Variants in DOCK1 observed in about 807,000 individuals in gnomAD.
DOCK1 encodes the protein dedicator of cytokinesis protein 1.
Under a neutral mutation model 262.7 loss-of-function variants are expected in DOCK1, and 138 were observed. The ratio of observed to expected loss-of-function variants is 0.53; its 90% CI spans 0.46 to 0.61. The LOEUF (loss-of-function observed/expected upper bound fraction) is 0.61. Ranked by LOEUF, DOCK1 falls within the 20% of genes least tolerant of loss-of-function variation. The pLI is 0.00. For missense variants in DOCK1, 1,908 were observed against 2,370.7 expected (o/e 0.80, Z 4.05); for synonymous variants, 866 against 867.4 (o/e 1.00, Z 0.03).
At chr10:126,939,042 T>G (rs1204183236) in intron 1 of DOCK1, among the ~76,000 whole-genome samples, 13 of 37,246 alleles carry the variant, frequency 3.5e-4, no homozygotes, top group Admixed American at 4.4e-4. Context: ...ATGAACACGG[T>G]GGGGGGATGA....
intron 33 of DOCK1, among the ~76,000 whole-genome samples, chr10:127,370,398 C>T (rs1025292405): frequency 1.3e-5 from 2 of 152,168 alleles, no homozygotes; most frequent in African/African-American, 4.8e-5. Flanking sequence ...CACCCTGGCC[C>T]AGCCTCCTGC....
intron 27 of DOCK1, among the ~76,000 whole-genome samples, chr10:127,185,078 A>C (rs1395005830): frequency 6.6e-6 from 1 of 152,168 alleles, no homozygotes; most frequent in Non-Finnish European, 1.5e-5. Flanking sequence ...GGTAGGCTCT[A>C]CCTGGGAGAT....
chr10:127,340,937 A>AAATATTTCATTTTTCTGTAGTG (rs1345649194), intron 30 of DOCK1, among the ~76,000 whole-genome samples: 1 of 152,150 alleles, frequency 6.6e-6, no homozygotes, highest in East Asian at 1.9e-4. Flanking sequence ...TATCATATAG[A>AAATATTTCATTTTTCTGTAGTG]AATATTTCAT....
At chr10:127,110,787 T>C (rs1162595335) in intron 25 of DOCK1, among the ~76,000 whole-genome samples, 1 of 152,202 alleles carries the variant, frequency 6.6e-6, no homozygotes, top group African/African-American at 2.4e-5. Context: ...CTACTCAAAG[T>C]AATAAGAATT....
At position 126,925,724 on chromosome 10, in the gene DOCK1, CTGTGTGTGTGTGTG is replaced by C. The variant is rs71032531; in HGVS notation, c.46+20194_46+20207del. Among the ~76,000 whole-genome samples the C allele has an allele frequency of 7.9e-3, 1,123 of 141,304 alleles. 13 individuals carry two copies. The highest frequency in any genetic ancestry group is 0.025 in the African/African-American group (979 of 38,542). 92.7% of individuals were successfully genotyped at this position (141,304 alleles called of 152,430 possible). ...AACACATACACACACATTGCAGAGTCTGTGTGTGTGTGTGTGTGTGTGTGTGTGTGTGTGTGTGT... is the reference window on the plus strand; with the variant it reads ...AACACATACACACACATTGCAGAGTCTGTGTGTGTGTGTGTGTGTGTGTGT... On this transcript the variant is annotated intron_variant, in intron 1 of 51. Transcript: ENST00000623213.
intron 2 of DOCK1, among the ~76,000 whole-genome samples, chr10:126,972,604 C>G (rs9794806): frequency 0.01 from 1,523 of 152,066 alleles, 16 homozygotes; most frequent in African/African-American, 0.034. Context: ...GAAGACATCC[C>G]GTAGTAATCA....
At chr10:127,202,637 A>G (rs1301298177) in intron 27 of DOCK1, among the ~76,000 whole-genome samples, 1 of 152,184 alleles carries the variant, frequency 6.6e-6, no homozygotes, top group Non-Finnish European at 1.5e-5. Flanking sequence ...TCCTTCCCCA[A>G]GCCCTGACTG....
intron 12 of DOCK1, among the ~76,000 whole-genome samples, chr10:127,017,278 C>CACACACACAG (rs139808586): frequency 0.4 from 59,731 of 150,832 alleles, 12,031 homozygotes; most frequent in South Asian, 0.46. Context: ...CATATAGACA[C>CACACACACAG]ACACAGACAC....
intron 22 of DOCK1, 77 bp from the exon 23 acceptor site, chr10:127,061,591 T>C: frequency 8.1e-7 from 1 of 1,227,346 alleles, no homozygotes; most frequent in Non-Finnish European, 1.2e-6. Context: ...GTGATTCCCT[T>C]CATGGCTATA....
chr10:127,415,328 C>A, intron 44 of DOCK1, 90 bp downstream of exon 44: 2 of 1,311,850 alleles, frequency 1.5e-6, no homozygotes, highest in South Asian at 1.4e-5. Context: ...GCCCCGTGGT[C>A]ACTGTGGCAG....
intron 1 of DOCK1, among the ~76,000 whole-genome samples, chr10:126,962,253 C>T (rs1162654988): frequency 2.0e-5 from 3 of 152,028 alleles, no homozygotes; most frequent in East Asian, 1.9e-4. Context: ...TCCGCCTCCC[C>T]GGTTCGAACA....
chr10:126,965,521 G>C (rs1030410184), intron 1 of DOCK1, among the ~76,000 whole-genome samples: 1 of 152,072 alleles, frequency 6.6e-6, no homozygotes, highest in African/African-American at 2.4e-5. Flanking sequence ...TGAAGTCTTG[G>C]GCCAGGCAGT....
intron 1 of DOCK1, among the ~76,000 whole-genome samples, chr10:126,964,483 G>A (rs1756250993): frequency 6.6e-6 from 1 of 152,382 alleles, no homozygotes; most frequent in Non-Finnish European, 1.5e-5. Flanking sequence ...GCATTGGGCC[G>A]TGTGAGGACG....
chr10:127,289,620 A>T (rs756077089), intron 29 of DOCK1, among the ~76,000 whole-genome samples: 1 of 152,190 alleles, frequency 6.6e-6, no homozygotes, highest in African/African-American at 2.4e-5. Context: ...TTTCCAACCT[A>T]TTATGTTGCC....
rs2040144279 is a variant in DOCK1 at position 126,995,677 on chromosome 10, A to C, written c.474-1071A>C. On this transcript the variant is annotated intron_variant, in intron 6 of 51. Transcript: ENST00000623213. The surrounding 1 kb of genome is among the most constrained non-coding windows in gnomAD (Gnocchi z 5.8). ...GTGGAGAGGGAGAGGGAGACCGTGG[A>C]GAGGGAGAGGGAGAGGGAGAATGTA... Among the ~76,000 whole-genome samples, 1 of 95,238 alleles carries C rather than the reference A, an allele frequency of 1.0e-5. No individual in the cohort carries two copies. Among genetic ancestry groups the C allele is most frequent in the Non-Finnish European group, 2.7e-5 (1 of 36,960 alleles). The allele number at this position is 95,238 out of a possible 152,430, so 62.5% of individuals were successfully genotyped here.
Position 126,998,234 on chromosome 10 carries a change from A to C in DOCK1, c.752A>C (p.Glu251Ala). ...EVLMSLYDPV[E>A]SKFISENYLV... ...CTCATGTCTCTATATGACCCTGTGG[A>C]GTCCAAATTCATCAGGTGGGTGACA... The change falls in exon 8 of 52, where the codon GAG (glutamate) becomes GCG (alanine). Residue 251 changes from glutamate (E) to alanine (A), a missense_variant. Physicochemically the swap from Glu to Ala is moderately radical, Grantham distance 107. Coordinates refer to ENST00000623213, the MANE Select transcript of DOCK1 (RefSeq NM_001290223.2). 1 of 1,613,546 alleles carries C rather than the reference A, an allele frequency of 6.2e-7. No individual in the cohort carries two copies. Among genetic ancestry groups the C allele is most frequent in the Non-Finnish European group, 8.5e-7 (1 of 1,179,628 alleles).
intron 35 of DOCK1, among the ~76,000 whole-genome samples, chr10:127,377,832 C>T (rs1418429790): frequency 6.9e-6 from 1 of 144,000 alleles, no homozygotes; most frequent in Non-Finnish European, 1.5e-5. Flanking sequence ...GCGGAGGTTG[C>T]AGTGAGCCTA....
rs572898434 is a variant in DOCK1 at position 127,144,307 on chromosome 10, C to T, written c.2847+16543C>T. The stretch of plus-strand genomic sequence containing the variant: ...AGAATAACAAAGTCCACCCTCCCCC[C>T]TGCCTCATCCACACACCTCTGGGAT... On this transcript the variant is annotated intron_variant, in intron 27 of 51. Transcript: ENST00000623213. 3.3e-5 allele frequency among the ~76,000 whole-genome samples: 5 copies of T among 152,314 alleles called. No homozygotes were observed. The South Asian group carries it at 1.0e-3, about 32-fold the overall frequency.
At chr10:127,327,420 A>G (rs749418556) in intron 29 of DOCK1, among the ~76,000 whole-genome samples, 17 of 152,180 alleles carry the variant, frequency 1.1e-4, no homozygotes, top group Non-Finnish European at 1.9e-4. Flanking sequence ...TTCCTTAAGA[A>G]TCAACCTCTG....
Sources: allele counts gnomAD v4.1 joint callset (sites outside exome capture counted in the v4.1 genomes callset), GRCh38; gene constraint gnomAD v4.1.1; non-coding constraint Gnocchi (gnomAD v3.1); transcripts MANE v1.5; gene names NCBI Gene and HGNC (gene_info 2026-07-23, HGNC 2026-07-21).